Variants in ITFG1 observed in about 807,000 individuals in gnomAD.
ITFG1 encodes T-cell immunomodulatory protein.
Under a neutral mutation model 81.8 loss-of-function variants are expected in ITFG1, and 34 were observed. The observed-to-expected ratio is 0.42, with a 90% CI of 0.32 to 0.55. The LOEUF (loss-of-function observed/expected upper bound fraction) is 0.55, where lower values mean the gene tolerates loss of function less well. Ranked by LOEUF, ITFG1 falls within the 20% of genes least tolerant of loss-of-function variation. The probability of loss-of-function intolerance (pLI) is 0.17; values close to 1 mark genes in which losing one functional copy is unlikely to be tolerated. For synonymous variants in ITFG1, 285 were observed against 270.6 expected (o/e 1.05, Z -0.52); for missense variants, 672 against 755.4 (o/e 0.89, Z 1.29).
intron 14 of ITFG1, among the ~76,000 whole-genome samples, chr16:47,208,641 A>G (rs1368801109): frequency 6.6e-6 from 1 of 152,216 alleles, no homozygotes; most frequent in Non-Finnish European, 1.5e-5. Context: ...TTTGGTGGTA[A>G]TCAATAAAAC....
intron 13 of ITFG1, among the ~76,000 whole-genome samples, chr16:47,223,169 GC>G (rs1181316187): frequency 6.6e-6 from 1 of 151,406 alleles, no homozygotes; most frequent in Non-Finnish European, 1.5e-5. Flanking sequence ...CAGGACATAG[GC>G]ATGGGCAAGG....
chr16:47,433,790 T>TAC (rs1374075996), intron 5 of ITFG1, among the ~76,000 whole-genome samples: 6 of 142,894 alleles, frequency 4.2e-5, no homozygotes, highest in Non-Finnish European at 6.1e-5. Flanking sequence ...TATATATATA[T>TAC]ATACACACAC....
At chr16:47,237,655 G>A (rs559843087) in intron 13 of ITFG1, among the ~76,000 whole-genome samples, 2 of 152,244 alleles carry the variant, frequency 1.3e-5, no homozygotes, top group East Asian at 3.9e-4. Context: ...TTACAGTCTC[G>A]TGTGGAGAGG....
intron 5 of ITFG1, among the ~76,000 whole-genome samples, chr16:47,451,008 T>A (rs945262675): frequency 5.3e-5 from 8 of 152,124 alleles, no homozygotes; most frequent in African/African-American, 1.7e-4. Flanking sequence ...ACTGAACAAA[T>A]GACAGAAAGA....
intron 14 of ITFG1, among the ~76,000 whole-genome samples, chr16:47,211,773 G>T (rs1344057014): frequency 1.3e-5 from 2 of 152,068 alleles, no homozygotes; most frequent in African/African-American, 4.8e-5. Context: ...CATGTGGTTT[G>T]TTTTCTTCTT....
chr16:47,414,857 C>T (rs1968854731), intron 6 of ITFG1, among the ~76,000 whole-genome samples: 1 of 152,070 alleles, frequency 6.6e-6, no homozygotes, highest in Admixed American at 6.6e-5. Context: ...GAGTTCATAG[C>T]CTTCTGTTTT....
intron 14 of ITFG1, among the ~76,000 whole-genome samples, chr16:47,198,100 T>C (rs1225129556): frequency 6.6e-6 from 1 of 152,228 alleles, no homozygotes; most frequent in Non-Finnish European, 1.5e-5. Context: ...AATCAAATCT[T>C]ATAAAGAAAA....
intron 12 of ITFG1, among the ~76,000 whole-genome samples, chr16:47,243,837 C>G (rs1322362828): frequency 1.3e-5 from 2 of 152,142 alleles, no homozygotes; most frequent in Non-Finnish European, 2.9e-5. Context: ...TCGAGACCAG[C>G]CTGGCCAACA....
rs1199491317 is a variant in ITFG1 at position 47,338,906 on chromosome 16, A to G, written c.803-25083T>C. Among the ~76,000 whole-genome samples, 4 of 152,230 alleles carry G rather than the reference A, an allele frequency of 2.6e-5. No individual in the cohort carries two copies. The Middle Eastern group carries it at 0.014, about 518-fold the overall frequency. ...CATTAACAAATACTAGGTCTTATTCATTCTTTCTATTTGTTTTTGTACACA... is the reference window on the plus strand; with the variant it reads ...CATTAACAAATACTAGGTCTTATTCGTTCTTTCTATTTGTTTTTGTACACA... On this transcript the variant is annotated intron_variant, in intron 8 of 17. Transcript: ENST00000320640.
intron 6 of ITFG1, among the ~76,000 whole-genome samples, chr16:47,397,166 C>T (rs144386391): frequency 1.3e-5 from 2 of 152,288 alleles, no homozygotes; most frequent in Non-Finnish European, 2.9e-5. Context: ...AAATATGAGG[C>T]ATGTGGCATA....
chr16:47,408,615 C>T, intron 6 of ITFG1, among the ~76,000 whole-genome samples: 1 of 152,062 alleles, frequency 6.6e-6, no homozygotes, highest in East Asian at 1.9e-4. Flanking sequence ...ACCATGATAA[C>T]TATTTTCCAA....
At chr16:47,161,892 T>C in intron 15 of ITFG1, 60 bp from the exon 16 acceptor site, 1 of 975,096 alleles carries the variant, frequency 1.0e-6, no homozygotes, top group Non-Finnish European at 1.6e-6. Context: ...CAATTATTAT[T>C]CTAAATAAAT....
chr16:47,239,163 G>A lies in ITFG1; in HGVS notation c.1331-1155C>T, dbSNP rs142423210. On this transcript the variant is annotated intron_variant, in intron 12 of 17. Transcript: ENST00000320640. ...TGGACTTCCCAGCCTCAAGAACTGC[G>A]AGCAATAAATTTCTGTTGTTTATAA... 7.2e-4 allele frequency among the ~76,000 whole-genome samples: 110 copies of A among 151,920 alleles called. 1 individual carries two copies. The highest frequency in any genetic ancestry group is 2.3e-3 in the African/African-American group (94 of 41,460).
chr16:47,260,095 C>T (rs796876704), intron 11 of ITFG1, among the ~76,000 whole-genome samples: 6 of 152,030 alleles, frequency 3.9e-5, no homozygotes, highest in Admixed American at 2.0e-4. Flanking sequence ...CACGCCACCA[C>T]GCCCGGCTAA....
At chr16:47,260,377 C>G in intron 11 of ITFG1, among the ~76,000 whole-genome samples, 168 bp downstream of exon 11, 1 of 152,094 alleles carries the variant, frequency 6.6e-6, no homozygotes, top group East Asian at 1.9e-4. Context: ...CCAATGTTGT[C>G]AATAGATTTG....
Position 47,460,720 on chromosome 16 carries a change from A to G in ITFG1, c.208+118T>C, listed in dbSNP as rs1156845007. 9 of 1,112,134 alleles carry G rather than the reference A, an allele frequency of 8.1e-6. No individual in the cohort carries two copies. In the African/African-American group the frequency reaches 1.2e-4, roughly 15 times the overall value. The allele number at this position is 1,112,134 out of a possible 1,614,324, so 68.9% of individuals were successfully genotyped here. ...TTAAGAATGCTAAAGGGAAGGCCAC[A>G]GGGCTGGGAGAGAAGGACCAGGAAA... On this transcript the variant is annotated intron_variant, in intron 1 of 17. Coordinates refer to ENST00000320640, the MANE Select transcript of ITFG1 (RefSeq NM_030790.5).
At chr16:47,217,448 C>G (rs1456433836) in intron 14 of ITFG1, among the ~76,000 whole-genome samples, 1 of 152,198 alleles carries the variant, frequency 6.6e-6, no homozygotes, top group Non-Finnish European at 1.5e-5. Context: ...AACATCTTAC[C>G]TAGCACTGAA....
intron 14 of ITFG1, among the ~76,000 whole-genome samples, chr16:47,173,488 A>G (rs895784008): frequency 2.6e-5 from 4 of 152,226 alleles, no homozygotes; most frequent in African/African-American, 9.6e-5. Context: ...CACTTGTAAC[A>G]TATTTCAGTT....
intron 10 of ITFG1, among the ~76,000 whole-genome samples, chr16:47,294,614 T>C (rs1966955711): frequency 6.6e-6 from 1 of 152,172 alleles, no homozygotes. Context: ...TTTTGTCTTT[T>C]GTAGTCAGTG....
Sources: allele counts gnomAD v4.1 joint callset (sites outside exome capture counted in the v4.1 genomes callset), GRCh38; gene constraint gnomAD v4.1.1; transcripts MANE v1.5; gene names NCBI Gene and HGNC (gene_info 2026-07-23, HGNC 2026-07-21).